LRP1B: variants seen among roughly 807,000 people sequenced by gnomAD.
The protein encoded by LRP1B is LDL receptor related protein 1B.
A neutral mutation model predicts 556.6 loss-of-function variants in LRP1B; 217 were observed. The ratio of observed to expected loss-of-function variants is 0.39; its 90% CI spans 0.35 to 0.44. The LOEUF (loss-of-function observed/expected upper bound fraction) is 0.44, where lower values mean the gene tolerates loss of function less well. LRP1B is among the 20% of genes least tolerant of loss of function. LRP1B has a pLI of 1.00. For synonymous variants in LRP1B, 2,047 were observed against 1,865.8 expected, an observed-to-expected ratio of 1.10 and a Z score of -2.50; for missense variants, 5,053 against 5,620.8, an observed-to-expected ratio of 0.90 and a Z score of 3.23.
At chr2:141,408,651 G>A (rs183299789) in intron 3 of LRP1B, among the ~76,000 whole-genome samples, 1 of 149,198 alleles carries the variant, frequency 6.7e-6, no homozygotes, top group Admixed American at 6.7e-5. Context: ...GTTTTTTATT[G>A]ATAAATTTGT....
At chr2:141,351,266 T>C (rs1309727235) in intron 3 of LRP1B, among the ~76,000 whole-genome samples, 1 of 152,076 alleles carries the variant, frequency 6.6e-6, no homozygotes, top group Non-Finnish European at 1.5e-5. Context: ...ATTTCTGAAT[T>C]GAATTTTTCT....
At chr2:140,958,035 GTAA>G (rs1476801667) in intron 18 of LRP1B, among the ~76,000 whole-genome samples, 1 of 151,468 alleles carries the variant, frequency 6.6e-6, no homozygotes, top group Non-Finnish European at 1.5e-5. Context: ...TCCAGGCCAT[GTAA>G]TAATATTTCA....
chr2:141,761,671 T>A (rs35033274), intron 2 of LRP1B, among the ~76,000 whole-genome samples: 65,214 of 152,038 alleles, frequency 0.43, 15,545 homozygotes, highest in Admixed American at 0.53. Flanking sequence ...ATCCTTGGAA[T>A]CTGACTGAAT....
Position 140,966,240 on chromosome 2 carries a change from T to C in LRP1B, c.2888-14300A>G, listed in dbSNP as rs932572577. 1.4e-3 allele frequency among the ~76,000 whole-genome samples: 208 copies of C among 152,248 alleles called. 1 individual carries two copies. The highest frequency in any genetic ancestry group is 4.2e-3 in the African/African-American group (175 of 41,554). On this transcript the variant is annotated intron_variant, in intron 18 of 90. Transcript: ENST00000389484. ...TGTTGTTTCCTGACTTTTTAATGATTGCCATTCTAACTGGTGTGAGATGGT... is the reference window on the plus strand; with the variant it reads ...TGTTGTTTCCTGACTTTTTAATGATCGCCATTCTAACTGGTGTGAGATGGT...
intron 2 of LRP1B, among the ~76,000 whole-genome samples, chr2:141,719,707 A>G (rs1327344680): frequency 1.3e-5 from 2 of 152,130 alleles, no homozygotes; most frequent in Non-Finnish European, 2.9e-5. Flanking sequence ...AAATGAAGCC[A>G]TGTCTTTTGT....
At chr2:140,275,242 C>T (rs1474681978) in intron 84 of LRP1B, among the ~76,000 whole-genome samples, 1 of 152,040 alleles carries the variant, frequency 6.6e-6, no homozygotes, top group Non-Finnish European at 1.5e-5. Context: ...ATCAATTAAG[C>T]AGTCTACCTG....
At chr2:141,516,291 T>C (rs944610600) in intron 2 of LRP1B, among the ~76,000 whole-genome samples, 1 of 152,168 alleles carries the variant, frequency 6.6e-6, no homozygotes, top group Non-Finnish European at 1.5e-5. Context: ...CAAATCCCCA[T>C]AGTAAGCTGA....
At chr2:142,108,851 G>A (rs1318045677) in intron 1 of LRP1B, among the ~76,000 whole-genome samples, 2 of 152,182 alleles carry the variant, frequency 1.3e-5, no homozygotes, top group Non-Finnish European at 2.9e-5. Context: ...GAATCCTATA[G>A]ATACTCACAT....
intron 6 of LRP1B, among the ~76,000 whole-genome samples, chr2:141,202,803 C>CATAGGTATACA (rs753094347): frequency 6.6e-6 from 1 of 151,926 alleles, no homozygotes. Flanking sequence ...AGTTTTATTA[C>CATAGGTATACA]ATAGGTATAC....
At chr2:142,044,610 T>A (rs1194506434) in intron 1 of LRP1B, among the ~76,000 whole-genome samples, 1 of 151,764 alleles carries the variant, frequency 6.6e-6, no homozygotes, top group African/African-American at 2.4e-5. Flanking sequence ...GACAGAGTAC[T>A]TTTTTAAAAA....
intron 32 of LRP1B, among the ~76,000 whole-genome samples, chr2:140,807,743 T>C (rs1690770948): frequency 6.6e-6 from 1 of 152,086 alleles, no homozygotes; most frequent in African/African-American, 2.4e-5. Context: ...TCAATATAAT[T>C]TTAGAGCAAC....
intron 2 of LRP1B, among the ~76,000 whole-genome samples, chr2:141,541,134 G>A (rs1396402760): frequency 6.6e-6 from 1 of 151,938 alleles, no homozygotes; most frequent in African/African-American, 2.4e-5. Context: ...TTAAAAGAAA[G>A]TCAATAGGTT....
At chr2:140,349,069 T>C (rs1681833323) in intron 77 of LRP1B, among the ~76,000 whole-genome samples, 1 of 152,086 alleles carries the variant, frequency 6.6e-6, no homozygotes, top group Admixed American at 6.6e-5. Flanking sequence ...CCACCACTGC[T>C]CTGACAGGGT....
intron 23 of LRP1B, among the ~76,000 whole-genome samples, chr2:140,887,412 C>A (rs1693668459): frequency 6.6e-6 from 1 of 152,100 alleles, no homozygotes; most frequent in African/African-American, 2.4e-5. Context: ...CATTCAATTG[C>A]ATGTGAAAAT....
At chr2:141,328,175 G>A (rs1205039347) in intron 3 of LRP1B, among the ~76,000 whole-genome samples, 3 of 152,094 alleles carry the variant, frequency 2.0e-5, no homozygotes, top group Non-Finnish European at 4.4e-5. Flanking sequence ...ATGCACTCAT[G>A]CATGTACATT....
At chr2:140,951,136 C>G (rs539788402) in intron 19 of LRP1B, among the ~76,000 whole-genome samples, 1 of 152,080 alleles carries the variant, frequency 6.6e-6, no homozygotes, top group Non-Finnish European at 1.5e-5. Flanking sequence ...ACCTATAGTT[C>G]TCATGTCCCA....
At chr2:140,431,148 A>C (rs7581949) in intron 66 of LRP1B, among the ~76,000 whole-genome samples, 48,764 of 151,972 alleles carry the variant, frequency 0.32, 8,345 homozygotes, top group African/African-American at 0.36. Context: ...TCAGGCTTTT[A>C]GTATTCAGTG....
intron 7 of LRP1B, among the ~76,000 whole-genome samples, chr2:141,096,647 A>G (rs1214903592): frequency 2.2e-4 from 23 of 104,406 alleles, no homozygotes; most frequent in East Asian, 1.9e-3. Flanking sequence ...AGAGAGAGAG[A>G]GAGAGAGAGA....
At chr2:141,289,025 GT>G (rs534384655) in intron 3 of LRP1B, among the ~76,000 whole-genome samples, 271 of 152,236 alleles carry the variant, frequency 1.8e-3, no homozygotes, top group African/African-American at 6.1e-3. Flanking sequence ...TTGGAGAATG[GT>G]TTTTACAATA....
Sources: gnomAD v4.1 joint callset for allele counts (sites outside exome capture counted in the v4.1 genomes callset) on GRCh38, gnomAD v4.1.1 for gene constraint, MANE v1.5 for transcripts, NCBI Gene and HGNC (gene_info 2026-07-23, HGNC 2026-07-21) for gene names.